RARB: variants seen among roughly 807,000 people sequenced by gnomAD.
RARB encodes retinoic acid receptor beta.
In RARB, 17 loss-of-function variants were observed where a neutral mutation model predicts 51.9. The observed-to-expected ratio is 0.33, with a 90% CI of 0.22 to 0.49. The LOEUF is 0.49. Ranked by LOEUF, RARB falls within the 20% of genes least tolerant of loss-of-function variation. The pLI is 0.99. For missense variants in RARB, 369 were observed against 550.8 expected (o/e 0.67, Z 3.30); for synonymous variants, 215 against 195.4 (o/e 1.10, Z -0.84).
chr3:25,392,024 G>C (rs1001320927), intron 5 of RARB, among the ~76,000 whole-genome samples: 3 of 152,220 alleles, frequency 2.0e-5, no homozygotes, highest in Admixed American at 6.5e-5. Flanking sequence ...ATCGTTCCAG[G>C]TCTTAGATTT....
chr3:25,328,667 T>C (rs113198741), intron 5 of RARB, among the ~76,000 whole-genome samples: 6,686 of 152,214 alleles, frequency 0.044, 179 homozygotes, highest in Middle Eastern at 0.068. Context: ...GTTCATCTCA[T>C]TGGGGCTTGT....
chr3:25,496,919 T>C (rs2568876), intron 2 of RARB, among the ~76,000 whole-genome samples: 46,039 of 152,062 alleles, frequency 0.3, 7,224 homozygotes, highest in East Asian at 0.38. Context: ...AGTTTCACTC[T>C]TGTTACCCAA....
At chr3:25,454,161 A>G (rs1694766586) in intron 1 of RARB, among the ~76,000 whole-genome samples, 1 of 152,142 alleles carries the variant, frequency 6.6e-6, no homozygotes, top group Admixed American at 6.5e-5. Flanking sequence ...ATGTCTACAC[A>G]CGAGTTCATA....
chr3:25,224,489 A>G (rs749839180), intron 5 of RARB, among the ~76,000 whole-genome samples: 2 of 152,202 alleles, frequency 1.3e-5, no homozygotes, highest in South Asian at 2.1e-4. Context: ...GGCAAAATCT[A>G]TTAATTATAT....
At chr3:25,493,277 C>G (rs1021694211) in intron 2 of RARB, among the ~76,000 whole-genome samples, 2 of 152,142 alleles carry the variant, frequency 1.3e-5, no homozygotes, top group Non-Finnish European at 2.9e-5. Context: ...CTTTCTCCCC[C>G]CAAATTTTGC....
chr3:24,938,298 C>T (rs575641051), intron 2 of RARB, among the ~76,000 whole-genome samples: 12 of 152,236 alleles, frequency 7.9e-5, no homozygotes, highest in South Asian at 2.1e-4. Context: ...ATCTCCATGA[C>T]GGCCCTAGAG....
intron 5 of RARB, among the ~76,000 whole-genome samples, chr3:25,251,514 T>G (rs900391475): frequency 6.6e-6 from 1 of 152,194 alleles, no homozygotes; most frequent in African/African-American, 2.4e-5. Flanking sequence ...TTTCTCCATA[T>G]CCTCTCCAAA....
At chr3:25,220,191 G>A (rs1271357616) in intron 5 of RARB, among the ~76,000 whole-genome samples, 3 of 152,270 alleles carry the variant, frequency 2.0e-5, no homozygotes, top group African/African-American at 7.2e-5. Flanking sequence ...CAACCAGTCA[G>A]CTTGACAGCT....
intron 4 of RARB, among the ~76,000 whole-genome samples, chr3:25,137,568 T>C (rs1215627203): frequency 1.3e-5 from 2 of 152,140 alleles, no homozygotes; most frequent in African/African-American, 4.8e-5. Context: ...ATTTTCCACA[T>C]AGATGTTAAA....
At chr3:25,005,519 T>C (rs1677753128) in intron 2 of RARB, among the ~76,000 whole-genome samples, 1 of 152,140 alleles carries the variant, frequency 6.6e-6, no homozygotes, top group Non-Finnish European at 1.5e-5. Flanking sequence ...TCTAGAGGCC[T>C]GCATAAGTGC....
chr3:25,471,413 A>G (rs138451451), intron 2 of RARB, among the ~76,000 whole-genome samples: 259 of 152,236 alleles, frequency 1.7e-3, no homozygotes, highest in African/African-American at 6.0e-3. Context: ...ATGACAATCT[A>G]CCTTTTCCTA....
chr3:25,310,873 T>A (rs1704273228), intron 5 of RARB, among the ~76,000 whole-genome samples: 2 of 152,192 alleles, frequency 1.3e-5, no homozygotes, highest in South Asian at 4.1e-4. Context: ...AGCCATGAGA[T>A]ATAGCCAGAA....
At chr3:25,531,651 A>C (rs899735874) in intron 3 of RARB, among the ~76,000 whole-genome samples, 1 of 152,012 alleles carries the variant, frequency 6.6e-6, no homozygotes, top group African/African-American at 2.4e-5. Flanking sequence ...TAACATCCAG[A>C]AGTGCTACAG....
chr3:25,193,380 C>T (rs1377431307), intron 5 of RARB, among the ~76,000 whole-genome samples: 1 of 151,964 alleles, frequency 6.6e-6, no homozygotes, highest in Non-Finnish European at 1.5e-5. Context: ...TAAAAAAAAC[C>T]TGTTTGCACT....
chr3:25,536,520 G>A (rs1699148780), intron 3 of RARB, among the ~76,000 whole-genome samples: 1 of 152,180 alleles, frequency 6.6e-6, no homozygotes, highest in African/African-American at 2.4e-5. Context: ...ACTTGAAGGA[G>A]GGTAAAATGT....
At chr3:25,203,539 C>G (rs1386124286) in intron 5 of RARB, among the ~76,000 whole-genome samples, 3 of 152,184 alleles carry the variant, frequency 2.0e-5, no homozygotes, top group African/African-American at 4.8e-5. Flanking sequence ...ATGGTCTTTA[C>G]AATTCGGCAT....
chr3:24,947,944 A>T (rs902044115), intron 2 of RARB, among the ~76,000 whole-genome samples: 1 of 147,088 alleles, frequency 6.8e-6, no homozygotes, highest in Non-Finnish European at 1.5e-5. Context: ...GATGTTACCA[A>T]TTTTTTTTTT....
At chr3:25,052,415 T>A (rs1698350521) in intron 2 of RARB, among the ~76,000 whole-genome samples, 1 of 152,186 alleles carries the variant, frequency 6.6e-6, no homozygotes, top group African/African-American at 2.4e-5. Flanking sequence ...AAATTTGAAT[T>A]GTATATAAAA....
intron 4 of RARB, among the ~76,000 whole-genome samples, chr3:25,172,014 G>A (rs1700655313): frequency 6.6e-6 from 1 of 152,128 alleles, no homozygotes; most frequent in Non-Finnish European, 1.5e-5. Context: ...GTTTGAAAAA[G>A]GCATTGAAAT....
Sources: gnomAD v4.1 joint callset for allele counts (sites outside exome capture counted in the v4.1 genomes callset) on GRCh38, gnomAD v4.1.1 for gene constraint, MANE v1.5 for transcripts, NCBI Gene and HGNC (gene_info 2026-07-23, HGNC 2026-07-21) for gene names.